Variants in AFF2 observed in about 807,000 individuals in gnomAD.
AFF2 encodes ALF transcription elongation factor 2, also known as AF4/FMR2 family member 2.
AFF2 carries 14 observed loss-of-function variants against 76.9 expected under a neutral mutation model. That is an observed-to-expected ratio of 0.18 (90% CI 0.12 to 0.28). AFF2 has a LOEUF of 0.28. AFF2 is among the 10% of genes least tolerant of loss of function. AFF2 has a pLI of 1.00. For synonymous variants in AFF2, 398 were observed against 366.7 expected (o/e 1.09, Z -0.98); for missense variants, 868 against 1,001.1 (o/e 0.87, Z 1.79).
rs781844741 is a variant in AFF2, at chrX:148,795,284, C to CT, written c.1042-14589dup. On this transcript the variant is annotated intron_variant, in intron 3 of 20. Transcript: ENST00000370460. ...TTGAATTAAGGGGTAAATATCTTCA[C>CT]TTTAAGGATTTAGGAGATGTCTCTC... 4.5e-5 allele frequency among the ~76,000 whole-genome samples: 5 copies of CT among 110,929 alleles called. No individual in the cohort carries two copies. In the East Asian group the frequency reaches 8.6e-4, roughly 19 times the overall value.
At chrX:148,871,390 G>A (rs1161202749) in intron 7 of AFF2, among the ~76,000 whole-genome samples, 2 of 111,336 alleles carry the variant, frequency 1.8e-5, no homozygotes, top group African/African-American at 6.5e-5. Context: ...AGAAACTGCT[G>A]CAACCCAGGC....
intron 4 of AFF2, among the ~76,000 whole-genome samples, chrX:148,813,920 A>G (rs947914495): frequency 8.9e-6 from 1 of 112,294 alleles, no homozygotes; most frequent in East Asian, 2.8e-4. Flanking sequence ...CCACAAAATG[A>G]GCTGTACGAA....
At chrX:148,733,542 G>A (rs1002448885) in intron 3 of AFF2, among the ~76,000 whole-genome samples, 4 of 111,213 alleles carry the variant, frequency 3.6e-5, no homozygotes, top group African/African-American at 1.3e-4. Flanking sequence ...CTGACACAAA[G>A]GAGACAATAA....
At chrX:148,795,832 A>AATATATATAT (rs1169188980) in intron 3 of AFF2, among the ~76,000 whole-genome samples, 10 of 15,524 alleles carry the variant, frequency 6.4e-4, no homozygotes, top group Non-Finnish European at 1.0e-3. Context: ...AAAAAAAAAA[A>AATATATATAT]ATATATATAT....
chrX:148,564,478 A>AT (rs1557241327), intron 1 of AFF2, among the ~76,000 whole-genome samples: 1 of 108,649 alleles, frequency 9.2e-6, no homozygotes, highest in East Asian at 2.9e-4. Flanking sequence ...GAAAAAAAAA[A>AT]AAAAAAATCA....
chrX:148,986,869 AG>A (rs782611137), intron 19 of AFF2, among the ~76,000 whole-genome samples: 1 of 112,895 alleles, frequency 8.9e-6, no homozygotes, highest in South Asian at 3.7e-4. Flanking sequence ...ATGTATTCAA[AG>A]GAAGAGCTAT....
chrX:148,968,522 T>C (rs2072209125), intron 15 of AFF2, among the ~76,000 whole-genome samples: 1 of 112,026 alleles, frequency 8.9e-6, no homozygotes, highest in Admixed American at 9.4e-5. Flanking sequence ...TCACTTTGAC[T>C]AAACCCCATT....
rs1408668187 is a variant in AFF2, at chrX:148,849,382, C to G, written c.1262+5949C>G. On this transcript the variant is annotated intron_variant, in intron 7 of 20. Transcript: ENST00000370460. The stretch of plus-strand genomic sequence containing the variant: ...TCTCTCTCCTCCCCCCCCCCCCCCC[C>G]CCCCGCTGACCACCCCTCTCTCTCC... Among the ~76,000 whole-genome samples, 23 of 24,194 alleles carry G rather than the reference C, an allele frequency of 9.5e-4. 2 individuals are homozygous for G. Among genetic ancestry groups the G allele is most frequent in the Non-Finnish European group, 1.6e-3 (17 of 10,636 alleles). 21.0% of individuals were successfully genotyped at this position (24,194 alleles called of 115,157 possible).
chrX:148,501,584 C>T (rs1231179907), intron 1 of AFF2, among the ~76,000 whole-genome samples: 1 of 113,232 alleles, frequency 8.8e-6, no homozygotes, highest in African/African-American at 3.2e-5. Flanking sequence ...CAGGTGCGGC[C>T]AGCAGCCCTC....
rs190348552 is a variant in AFF2 at position 148,508,355 on chromosome X, T to A, written c.47+7211T>A. Among the ~76,000 whole-genome samples, 63 of 112,157 alleles carry A rather than the reference T, an allele frequency of 5.6e-4. No individual in the cohort carries two copies. In the East Asian group the frequency reaches 9.8e-3, roughly 17 times the overall value. ...ACGTATCTCCTGGAAATAAATAGCT[T>A]TGAAATGGTTTCTTTTTTGTATAAG... On this transcript the variant is annotated intron_variant, in intron 1 of 20. Transcript: ENST00000370460.
intron 1 of AFF2, among the ~76,000 whole-genome samples, chrX:148,546,217 T>A (rs1267168083): frequency 3.6e-5 from 4 of 111,825 alleles, no homozygotes; most frequent in African/African-American, 1.3e-4. Flanking sequence ...TTGCATAGAC[T>A]CCATAGTTTT....
chrX:148,681,558 G>C (rs868979100), intron 3 of AFF2, among the ~76,000 whole-genome samples: 1 of 72,290 alleles, frequency 1.4e-5, no homozygotes, highest in Non-Finnish European at 2.7e-5. Context: ...GTGTGTGTGT[G>C]TGTGTCAGTG....
intron 7 of AFF2, among the ~76,000 whole-genome samples, chrX:148,845,015 C>T (rs1169887020): frequency 2.7e-5 from 3 of 109,898 alleles, no homozygotes; most frequent in African/African-American, 1.0e-4. Flanking sequence ...TTGAATTGCC[C>T]TCCCCCTTGT....
Position 148,986,813 on chromosome X carries a change from T to G in AFF2, c.3624-554T>G, listed in dbSNP as rs189592164. Reference sequence around the variant, plus strand: ...CCAGCAGCAGGTAGAGAAATCATCATAGCTCTGAGCTGTTTCTTTCTCTGA... The same window carrying G: ...CCAGCAGCAGGTAGAGAAATCATCAGAGCTCTGAGCTGTTTCTTTCTCTGA... On this transcript the variant is annotated intron_variant, in intron 19 of 20. Coordinates refer to ENST00000370460, the MANE Select transcript of AFF2 (RefSeq NM_002025.4). Among the ~76,000 whole-genome samples, 5 of 113,234 alleles carry G rather than the reference T, an allele frequency of 4.4e-5. No homozygotes were observed. In the East Asian group the frequency reaches 1.4e-3, roughly 32 times the overall value.
Position 148,995,896 on chromosome X carries a change from A to T in AFF2, c.*4564A>T, listed in dbSNP as rs1198323915. The T allele has an allele frequency of 1.8e-5, 2 of 112,651 alleles. No homozygotes were observed. Among genetic ancestry groups the T allele is most frequent in the East Asian group, 5.6e-4 (2 of 3,557 alleles). 9.3% of individuals were successfully genotyped at this position (112,651 alleles called of 1,213,427 possible). ...GTTGCTGGTGAGCAGCAGCATGCAG[A>T]CCAGCTGTGGGAAGCCTCCTGAAGA... On this transcript the variant is annotated 3_prime_UTR_variant, in exon 21 of 21. Transcript: ENST00000370460.
chrX:148,869,535 G>A (rs1433139278), intron 7 of AFF2, among the ~76,000 whole-genome samples: 1 of 111,990 alleles, frequency 8.9e-6, no homozygotes, highest in Non-Finnish European at 1.9e-5. Context: ...ACATTGTGGT[G>A]GAACTGGATT....
chrX:148,677,197 T>G (rs2054495674), intron 3 of AFF2, among the ~76,000 whole-genome samples: 1 of 110,748 alleles, frequency 9.0e-6, no homozygotes, highest in African/African-American at 3.3e-5. Context: ...ATTTCTAGCT[T>G]GGGCAAGCAG....
intron 5 of AFF2, 123 bp downstream of exon 5, chrX:148,837,856 C>T (rs367625127): frequency 6.7e-5 from 31 of 461,641 alleles, no homozygotes; most frequent in East Asian, 2.5e-4. Flanking sequence ...GACTCTCTTG[C>T]CCCTCAGAAT....
chrX:148,799,198 T>C (rs1557270753), intron 3 of AFF2, among the ~76,000 whole-genome samples: 1 of 112,056 alleles, frequency 8.9e-6, no homozygotes. Context: ...CACATGCAGG[T>C]GCATTTTGGA....
Sources: gnomAD v4.1 joint callset for allele counts (sites outside exome capture counted in the v4.1 genomes callset) on GRCh38, gnomAD v4.1.1 for gene constraint, MANE v1.5 for transcripts, NCBI Gene and HGNC (gene_info 2026-07-23, HGNC 2026-07-21) for gene names.